CACNA1E: variants seen among roughly 807,000 people sequenced by gnomAD.
CACNA1E encodes the protein calcium voltage-gated channel subunit alpha1 E.
A neutral mutation model predicts 259.2 loss-of-function variants in CACNA1E; 40 were observed. The ratio of observed to expected loss-of-function variants is 0.15; its 90% CI spans 0.12 to 0.20. CACNA1E has a LOEUF of 0.20. Among genes scored for constraint, CACNA1E ranks in the 10% least tolerant of loss-of-function variants. The pLI is 1.00. For missense variants in CACNA1E, 1,874 were observed against 3,040.1 expected (o/e 0.62, Z 9.02); for synonymous variants, 1,104 against 1,138.5 (o/e 0.97, Z 0.61).
At chr1:181,617,315 T>A (rs1655313602) in intron 6 of CACNA1E, among the ~76,000 whole-genome samples, 1 of 151,928 alleles carries the variant, frequency 6.6e-6, no homozygotes, top group Non-Finnish European at 1.5e-5. Flanking sequence ...GTTGTTAGTG[T>A]GTGTTTTGCT....
At chr1:181,512,943 G>T (rs1419625100) in intron 3 of CACNA1E, among the ~76,000 whole-genome samples, 1 of 152,192 alleles carries the variant, frequency 6.6e-6, no homozygotes, top group Non-Finnish European at 1.5e-5. Flanking sequence ...AATATGTGCT[G>T]TATTAGAAGA....
chr1:181,494,470 C>T (rs2102528414), intron 1 of CACNA1E, among the ~76,000 whole-genome samples: 1 of 152,118 alleles, frequency 6.6e-6, no homozygotes, highest in East Asian at 1.9e-4. Context: ...AGATTCAGGA[C>T]TCTATGTTTA....
intron 34 of CACNA1E, among the ~76,000 whole-genome samples, chr1:181,764,170 A>G (rs1219130906): frequency 6.6e-6 from 1 of 152,186 alleles, no homozygotes; most frequent in Non-Finnish European, 1.5e-5. Context: ...TATGATAAAT[A>G]TAAGTAAAAA....
intron 2 of CACNA1E, among the ~76,000 whole-genome samples, chr1:181,432,256 G>T (rs1442300833): frequency 6.6e-6 from 1 of 152,096 alleles, no homozygotes; most frequent in Non-Finnish European, 1.5e-5. Context: ...TGAAGCCAAG[G>T]GCCCTGGAAA....
intron 2 of CACNA1E, among the ~76,000 whole-genome samples, chr1:181,417,517 C>T (rs927444261): frequency 2.6e-5 from 4 of 152,086 alleles, no homozygotes; most frequent in South Asian, 2.1e-4. Context: ...TCCCACTTTC[C>T]CCTATTCTTC....
At chr1:181,481,989 C>T (rs147629240), upstream of CACNA1E, among the ~76,000 whole-genome samples, 123 of 152,284 alleles carry the variant, frequency 8.1e-4, no homozygotes, top group Admixed American at 1.5e-3. Context: ...TTCCAGGAGA[C>T]GTCGGGCAGG....
intron 6 of CACNA1E, among the ~76,000 whole-genome samples, chr1:181,588,818 A>G (rs944816483): frequency 6.6e-6 from 1 of 152,234 alleles, no homozygotes; most frequent in Non-Finnish European, 1.5e-5. Flanking sequence ...AGGCAACACC[A>G]GGCCTTAGGA....
intron 1 of CACNA1E, among the ~76,000 whole-genome samples, chr1:181,359,059 TA>T (rs1279588952): frequency 6.6e-6 from 1 of 152,234 alleles, no homozygotes; most frequent in African/African-American, 2.4e-5. Flanking sequence ...GAGTCCTTGA[TA>T]AATTCTTTAC....
chr1:181,707,275 T>C (rs1652881636), intron 7 of CACNA1E, among the ~76,000 whole-genome samples: 1 of 152,230 alleles, frequency 6.6e-6, no homozygotes, highest in Non-Finnish European at 1.5e-5. Flanking sequence ...CTCCCAGTGG[T>C]GCACATTCGT....
Position 181,806,758 on chromosome 1 carries a change from G to T in CACNA1E, c.*7924G>T, listed in dbSNP as rs1662653873. 6.6e-6 allele frequency: 1 copy of T among 152,156 alleles called. No individual in the cohort carries two copies. Among genetic ancestry groups the T allele is most frequent in the Non-Finnish European group, 1.5e-5 (1 of 68,016 alleles). The allele number at this position is 152,156 out of a possible 1,614,324, so 9.4% of individuals were successfully genotyped here. On this transcript the variant is annotated 3_prime_UTR_variant, in exon 48 of 48. Coordinates refer to ENST00000367573, the MANE Select transcript of CACNA1E (RefSeq NM_001205293.3). ...ATGTTTTGGGGGGGATAAAAGAAAAGAATAAATAAAACCTTGTTGTAAAGA... is the reference window on the plus strand; with the variant it reads ...ATGTTTTGGGGGGGATAAAAGAAAATAATAAATAAAACCTTGTTGTAAAGA...
At chr1:181,488,802 C>CT (rs137876565) in intron 1 of CACNA1E, among the ~76,000 whole-genome samples, 185 of 151,528 alleles carry the variant, frequency 1.2e-3, no homozygotes, top group African/African-American at 4.2e-3. Context: ...AACAGGCCTG[C>CT]TTTTTTTTTC....
intron 3 of CACNA1E, among the ~76,000 whole-genome samples, chr1:181,519,230 A>C: frequency 6.6e-6 from 1 of 152,266 alleles, no homozygotes; most frequent in East Asian, 1.9e-4. Context: ...TTACATTTCC[A>C]TTCTGTGGTT....
At chr1:181,319,744 G>C (rs1041726577) in intron 1 of CACNA1E, among the ~76,000 whole-genome samples, 1 of 152,178 alleles carries the variant, frequency 6.6e-6, no homozygotes, top group Non-Finnish European at 1.5e-5. Flanking sequence ...ATTGCCCTAA[G>C]AGTGACTGTA....
chr1:181,680,588 G>A (rs1249285959), intron 7 of CACNA1E, among the ~76,000 whole-genome samples: 1 of 152,138 alleles, frequency 6.6e-6, no homozygotes, highest in African/African-American at 2.4e-5. Flanking sequence ...CCTGCCTCCG[G>A]AAACGAAGAG....
intron 37 of CACNA1E, among the ~76,000 whole-genome samples, chr1:181,773,468 G>A (rs1659702963): frequency 6.6e-6 from 1 of 152,058 alleles, no homozygotes; most frequent in Non-Finnish European, 1.5e-5. Context: ...GTATGTGAAA[G>A]GTTTTTCAGT....
At chr1:181,339,902 T>C (rs1448823538) in intron 1 of CACNA1E, among the ~76,000 whole-genome samples, 3 of 152,118 alleles carry the variant, frequency 2.0e-5, no homozygotes, top group Non-Finnish European at 4.4e-5. Context: ...ATTCAGAAAA[T>C]GTTTTCCTAG....
chr1:181,736,374 G>A lies in CACNA1E; in HGVS notation c.3362G>A (p.Arg1121His), dbSNP rs370899738. ...VEKKKQKKEK[R>H]ETGKAMVPHS... ...AAGAAGAAGCAGAAGAAGGAGAAGC[G>A]TGAGACAGGCAAAGCCATGGTGCCC... The change falls in exon 22 of 48, where the codon CGT becomes CAT. Residue 1121 changes from arginine (R) to histidine (H), a missense_variant. By Grantham distance (29) the Arg-to-His change is conservative. Around this residue, in one of 14 missense-constraint regions of CACNA1E, gnomAD observed 56 missense variants for 97.4 expected, o/e 0.57. Transcript: ENST00000367573. 5.4e-5 allele frequency: 87 copies of A among 1,611,922 alleles called. 1 individual carries two copies. Among genetic ancestry groups the A allele is most frequent in the African/African-American group, 1.5e-4 (11 of 74,904 alleles).
Position 181,794,874 on chromosome 1 carries a change from A to C in CACNA1E, c.6038A>C (p.Asp2013Ala), listed in dbSNP as rs776364133. The C allele has an allele frequency of 1.2e-6, 2 of 1,610,442 alleles. No homozygotes were observed. The highest frequency in any genetic ancestry group is 1.7e-6 in the Non-Finnish European group (2 of 1,178,110). The change falls in exon 46 of 48, where the codon GAC becomes GCC. Residue 2013 changes from aspartate to alanine, a missense_variant. Around this residue, in one of 14 missense-constraint regions of CACNA1E, gnomAD observed 542 missense variants for 587.2 expected, o/e 0.92. Transcript: ENST00000367573. ...GGCTTGTATTTCCAGGTGGTGACAG[A>C]CCCTAGCTCCATGAGACGTTCATTT... ...RLTVDPQVVT[D>A]PSSMRRSFST...
chr1:181,804,637 ACTTT>A lies in CACNA1E; in HGVS notation c.*5809_*5812del, dbSNP rs1178229043. ...TTGTGCCTTCAGCAAGCATCTCTTC[ACTTT>A]CTTTCCCTTGTCAATTGAAACATGA... On this transcript the variant is annotated 3_prime_UTR_variant, in exon 48 of 48. Coordinates refer to ENST00000367573, the MANE Select transcript of CACNA1E (RefSeq NM_001205293.3). 1.3e-5 allele frequency: 2 copies of A among 152,170 alleles called. No individual in the cohort carries two copies. The highest frequency in any genetic ancestry group is 2.9e-5 in the Non-Finnish European group (2 of 68,024). 9.4% of individuals were successfully genotyped at this position (152,170 alleles called of 1,614,324 possible). A position where few individuals can be genotyped will look rare whatever the true frequency, so the allele number is the denominator to read the frequency against.
Sources: allele counts gnomAD v4.1 joint callset (sites outside exome capture counted in the v4.1 genomes callset), GRCh38; gene constraint gnomAD v4.1.1; regional missense constraint gnomAD v4.1.1; transcripts MANE v1.5; gene names NCBI Gene and HGNC (gene_info 2026-07-23, HGNC 2026-07-21).